The following RANBP17 variants were observed in gnomAD, a reference collection of about 807,000 sequenced individuals.
RANBP17 encodes the protein RAN binding protein 17.
Under a neutral mutation model 141.2 loss-of-function variants are expected in RANBP17, and 158 were observed. The observed-to-expected ratio is 1.12, with a 90% CI of 0.98 to 1.28. The LOEUF (loss-of-function observed/expected upper bound fraction) is 1.28, where lower values mean the gene tolerates loss of function less well. RANBP17 is among the 50% of genes most tolerant of loss of function. The pLI is 0.00. For synonymous variants in RANBP17, 430 were observed against 450.0 expected (o/e 0.96, Z 0.56); for missense variants, 1,438 against 1,290.7 (o/e 1.11, Z -1.75).
intron 14 of RANBP17, chr5:170,968,751 C>T (rs541739886): frequency 2.2e-6 from 1 of 455,060 alleles, no homozygotes; most frequent in South Asian, 1.6e-5. Context: ...TAGTATATTT[C>T]ACTAATTTCT....
At chr5:170,904,717 T>G (rs560313186) in intron 5 of RANBP17, among the ~76,000 whole-genome samples, 1 of 152,312 alleles carries the variant, frequency 6.6e-6, no homozygotes, top group Admixed American at 6.5e-5. Flanking sequence ...AATGGAGTTC[T>G]TCAGTATTAT....
At chr5:171,063,778 G>A (rs985907955) in intron 14 of RANBP17, among the ~76,000 whole-genome samples, 2 of 152,224 alleles carry the variant, frequency 1.3e-5, no homozygotes, top group Non-Finnish European at 2.9e-5. Flanking sequence ...GGAGCCTACA[G>A]AGGCAGGCAG....
chr5:171,088,764 A>G (rs562393138), intron 14 of RANBP17, among the ~76,000 whole-genome samples: 1 of 152,010 alleles, frequency 6.6e-6, no homozygotes, highest in African/African-American at 2.4e-5. Flanking sequence ...TCGGCTCCTG[A>G]GGCTTCTGCA....
At chr5:170,862,175 GT>G (rs1386022063) in intron 1 of RANBP17, 124 bp downstream of exon 1, 3 of 1,025,568 alleles carry the variant, frequency 2.9e-6, no homozygotes, top group Non-Finnish European at 3.9e-6. Flanking sequence ...TGTCCCCGGA[GT>G]CCCAGCCCCT....
In RANBP17 at chr5:171,268,673, A is replaced by T. The variant is rs555130824; in HGVS notation, c.2943+2826A>T. Among the ~76,000 whole-genome samples, 874 of 152,136 alleles carry T rather than the reference A, an allele frequency of 5.7e-3. 11 individuals carry two copies. Among genetic ancestry groups the T allele is most frequent in the African/African-American group, 0.016 (671 of 41,516 alleles). The stretch of plus-strand genomic sequence containing the variant: ...TGTCCACACTGAAGAAAAAAAAAAA[A>T]TTCATGGATTGGCTAGGAATCAGAC... On this transcript the variant is annotated intron_variant, in intron 25 of 27. Transcript: ENST00000523189.
intron 14 of RANBP17, among the ~76,000 whole-genome samples, chr5:171,029,615 A>T (rs751164905): frequency 1.3e-5 from 2 of 152,094 alleles, no homozygotes; most frequent in Non-Finnish European, 2.9e-5. Flanking sequence ...AGTAATAAGA[A>T]ACTTCTGATT....
chr5:170,863,946 T>C (rs955470969), intron 1 of RANBP17, among the ~76,000 whole-genome samples: 1 of 152,184 alleles, frequency 6.6e-6, no homozygotes, highest in African/African-American at 2.4e-5. Flanking sequence ...AGAAAAAAAC[T>C]GAAATTTCTC....
At chr5:171,231,900 G>T (rs1764229082) in intron 22 of RANBP17, among the ~76,000 whole-genome samples, 2 of 152,190 alleles carry the variant, frequency 1.3e-5, no homozygotes, top group South Asian at 4.1e-4. Flanking sequence ...ATTCATAATA[G>T]TGAAAAATGG....
intron 14 of RANBP17, among the ~76,000 whole-genome samples, chr5:171,026,137 G>T (rs1781216535): frequency 6.6e-6 from 1 of 152,136 alleles, no homozygotes; most frequent in Non-Finnish European, 1.5e-5. Flanking sequence ...CTCTTTGGGA[G>T]GCTTTTAAAT....
intron 21 of RANBP17, among the ~76,000 whole-genome samples, chr5:171,220,441 CTTTTTTT>C (rs1173697219): frequency 1.4e-5 from 1 of 73,012 alleles, no homozygotes; most frequent in Non-Finnish European, 2.5e-5. Context: ...CCAGATGATT[CTTTTTTT>C]TTTTTTTTTT....
chr5:170,977,716 T>G (rs550947103), intron 14 of RANBP17, among the ~76,000 whole-genome samples: 64 of 152,224 alleles, frequency 4.2e-4, no homozygotes, highest in African/African-American at 1.5e-3. Flanking sequence ...TTGAAAACAT[T>G]ACGCTAAGTC....
Position 170,862,851 on chromosome 5 carries a change from A to G in RANBP17, c.18+800A>G, listed in dbSNP as rs1242382442. Among the ~76,000 whole-genome samples, 7 of 152,240 alleles carry G rather than the reference A, an allele frequency of 4.6e-5. No homozygotes were observed. The South Asian group carries it at 1.2e-3, about 27-fold the overall frequency. ...ATGACATCTTACTATCCTCGCCCTCATACAGTTAACAGAGAATTACAGTAC... is the reference window on the plus strand; with the variant it reads ...ATGACATCTTACTATCCTCGCCCTCGTACAGTTAACAGAGAATTACAGTAC... On this transcript the variant is annotated intron_variant, in intron 1 of 27. Transcript: ENST00000523189.
At chr5:170,936,420 C>A (rs150670914) in intron 12 of RANBP17, among the ~76,000 whole-genome samples, 1 of 152,008 alleles carries the variant, frequency 6.6e-6, no homozygotes, top group East Asian at 1.9e-4. Context: ...GCCACCAAGC[C>A]GCTGTTTTAT....
At chr5:171,041,717 GT>G (rs1782259596) in intron 14 of RANBP17, among the ~76,000 whole-genome samples, 1 of 152,070 alleles carries the variant, frequency 6.6e-6, no homozygotes, top group Non-Finnish European at 1.5e-5. Context: ...AAAAGGCACA[GT>G]AAAAAATACA....
At chr5:171,010,596 A>G (rs1779965797) in intron 14 of RANBP17, among the ~76,000 whole-genome samples, 1 of 152,170 alleles carries the variant, frequency 6.6e-6, no homozygotes, top group African/African-American at 2.4e-5. Context: ...CCAGCAGTTC[A>G]CTCAGATGCT....
chr5:171,288,328 T>C (rs1768289472), intron 25 of RANBP17, among the ~76,000 whole-genome samples: 1 of 152,128 alleles, frequency 6.6e-6, no homozygotes, highest in South Asian at 2.1e-4. Context: ...ATGGAGGAGG[T>C]ACACATGGAC....
chr5:171,109,767 C>T (rs560715908), intron 14 of RANBP17, among the ~76,000 whole-genome samples: 5 of 152,180 alleles, frequency 3.3e-5, no homozygotes, highest in African/African-American at 9.6e-5. Flanking sequence ...TTTCAATCTG[C>T]GATTGGTTGA....
chr5:171,015,135 G>A (rs1422793698), intron 14 of RANBP17, among the ~76,000 whole-genome samples: 1 of 151,950 alleles, frequency 6.6e-6, no homozygotes, highest in African/African-American at 2.4e-5. Context: ...GTGTGCCTTG[G>A]TTGTTTTCTT....
intron 25 of RANBP17, among the ~76,000 whole-genome samples, chr5:171,269,978 T>C (rs1766987125): frequency 6.6e-6 from 1 of 152,164 alleles, no homozygotes; most frequent in Non-Finnish European, 1.5e-5. Flanking sequence ...GAACTGTTTT[T>C]CCCCCCAACC....
Sources: allele counts gnomAD v4.1 joint callset (sites outside exome capture counted in the v4.1 genomes callset), GRCh38; gene constraint gnomAD v4.1.1; transcripts MANE v1.5; gene names NCBI Gene and HGNC (gene_info 2026-07-23, HGNC 2026-07-21).